GRIP2: variants seen among roughly 807,000 people sequenced by gnomAD.
GRIP2 encodes the protein glutamate receptor interacting protein 2.
In GRIP2, 58 loss-of-function variants were observed where a neutral mutation model predicts 108.3. That is an observed-to-expected ratio of 0.54 (90% CI 0.43 to 0.67). The LOEUF (loss-of-function observed/expected upper bound fraction) is 0.67. GRIP2 is among the 30% of genes least tolerant of loss of function. GRIP2 has a pLI of 0.00. For missense variants in GRIP2, 1,278 were observed against 1,430.6 expected (o/e 0.89, Z 1.72); for synonymous variants, 586 against 598.2 (o/e 0.98, Z 0.30).
Position 14,505,585 on chromosome 3 carries a change from C to CT in GRIP2, c.2573+29dup, listed in dbSNP as rs1416479397. The CT allele has an allele frequency of 6.3e-7, 1 of 1,597,846 alleles. No individual in the cohort carries two copies. The highest frequency in any genetic ancestry group is 1.3e-5 in the African/African-American group (1 of 74,548). Reference sequence around the variant, plus strand: ...ACCCCAGCCAAGACACTGTGACTCCCTCCTCCTTCACGGTGCTCCCACCAC... The same window carrying CT: ...ACCCCAGCCAAGACACTGTGACTCCCTTCCTCCTTCACGGTGCTCCCACCAC... On this transcript the variant is annotated intron_variant, in intron 20 of 23. Transcript: ENST00000621039. This position sits in a 1 kb window ranked among gnomAD's most constrained non-coding sequence, Gnocchi z 4.2.
At position 14,525,497 on chromosome 3, in the gene GRIP2, C is replaced by G. The variant is rs1389909966; in HGVS notation, c.197G>C (p.Gly66Ala). 6.2e-7 allele frequency: 1 copy of G among 1,613,718 alleles called. No individual in the cohort carries two copies. Among genetic ancestry groups the G allele is most frequent in the Non-Finnish European group, 8.5e-7 (1 of 1,179,838 alleles). ...GSTLGLTISGGTDKDGKPRVS... is the reference protein window; with the variant it reads ...GSTLGLTISGATDKDGKPRVS... The stretch of plus-strand genomic sequence containing the variant: ...CCTGGGCTTTCCATCCTTGTCGGTG[C>G]CACCTGAGATAGTCAGGCCCAGCGT... Residue 66 changes from glycine (G) to alanine (A), a missense_variant, in exon 3 of 24, where the codon GGC (glycine) becomes GCC (alanine). Gly to Ala is a moderately conservative substitution (Grantham distance 60). Coordinates refer to ENST00000621039, the MANE Select transcript of GRIP2 (RefSeq NM_001080423.4).
chr3:14,513,404 C>T (rs991864645), intron 13 of GRIP2, among the ~76,000 whole-genome samples: 1 of 152,214 alleles, frequency 6.6e-6, no homozygotes, highest in Non-Finnish European at 1.5e-5. Flanking sequence ...CTAACCCATG[C>T]TGAGAAGGAG....
Position 14,505,536 on chromosome 3 carries a change from A to G in GRIP2, c.2573+79T>C. 1 of 1,474,882 alleles carries G rather than the reference A, an allele frequency of 6.8e-7. No individual in the cohort carries two copies. The highest frequency in any genetic ancestry group is 9.2e-7 in the Non-Finnish European group (1 of 1,085,050). 91.4% of individuals were successfully genotyped at this position (1,474,882 alleles called of 1,614,324 possible). A position where few individuals can be genotyped will look rare whatever the true frequency, so the allele number is the denominator to read the frequency against. On this transcript the variant is annotated intron_variant, in intron 20 of 23. Coordinates refer to ENST00000621039, the MANE Select transcript of GRIP2 (RefSeq NM_001080423.4). This position sits in a 1 kb window ranked among gnomAD's most constrained non-coding sequence, Gnocchi z 4.2. ...CGCCAAGACTCTCCATTCCCCCACC[A>G]CTTTGGCACAGGCACCCTCGCCCAC...
the GRIP2 span, among the ~76,000 whole-genome samples, chr3:14,579,539 C>T: frequency 2.6e-5 from 4 of 152,232 alleles, no homozygotes; most frequent in East Asian, 7.7e-4. Context: ...AGGTGGGAGG[C>T]ATTGTGGTAA....
At chr3:14,575,035 G>A in the GRIP2 span, among the ~76,000 whole-genome samples, 732 of 152,276 alleles carry the variant, frequency 4.8e-3, 1 homozygote, top group Non-Finnish European at 7.6e-3. Flanking sequence ...CAGGAGGGTG[G>A]GTACCTCTAG....
At chr3:14,524,750 C>T (rs1057491259) in intron 3 of GRIP2, among the ~76,000 whole-genome samples, 1 of 152,216 alleles carries the variant, frequency 6.6e-6, no homozygotes, top group Non-Finnish European at 1.5e-5. Context: ...GGCTTTCCCC[C>T]TTCGCTGGTC....
At chr3:14,582,291 G>A in the GRIP2 span, among the ~76,000 whole-genome samples, 4 of 152,170 alleles carry the variant, frequency 2.6e-5, no homozygotes, top group Admixed American at 6.5e-5. Flanking sequence ...TTTACTGGCC[G>A]CTTGGATCAC....
rs775718039 is a variant in GRIP2, at chr3:14,540,270, C to A, written c.39G>T (p.Ala13=). 6.2e-7 allele frequency: 1 copy of A among 1,613,596 alleles called. No individual in the cohort carries two copies. The highest frequency in any genetic ancestry group is 1.1e-5 in the South Asian group (1 of 91,074). Residue 13 remains alanine, a splice_region_variant and synonymous_variant, in exon 1 of 24, where the codon GCG becomes GCT. Coordinates refer to ENST00000621039, the MANE Select transcript of GRIP2 (RefSeq NM_001080423.4). The surrounding 1 kb of genome is among the most constrained non-coding windows in gnomAD (Gnocchi z 4.1). ...GCCCACAGACCCCCCATTACGTACCCGCCTCTCCAGGGGTCTCCCGGCTGA... is the reference window on the plus strand; with the variant it reads ...GCCCACAGACCCCCCATTACGTACCAGCCTCTCCAGGGGTCTCCCGGCTGA... ...CGLSRETPGE[A]DDGPYSKGGK... is the part of the protein sequence containing the mutation.
At position 14,496,418 on chromosome 3, in the gene GRIP2, T is replaced by A. The variant is rs762436315; in HGVS notation, c.2822A>T (p.Lys941Met). Residue 941 changes from lysine (K) to methionine (M), a missense_variant and splice_region_variant, in exon 22 of 24, where the codon AAG (lysine) becomes ATG (methionine). Physicochemically the swap from Lys to Met is moderately conservative, Grantham distance 95. Transcript: ENST00000621039. ...LLLPTPLEMH[K>M]VTLHKDPMRH... ...CCTGTGCTCACCCCCTGTGCCTACCTTGTGCATCTCCAAGGGTGTAGGCAG... is the reference window on the plus strand; with the variant it reads ...CCTGTGCTCACCCCCTGTGCCTACCATGTGCATCTCCAAGGGTGTAGGCAG... The A allele has an allele frequency of 6.2e-6, 10 of 1,609,612 alleles. No homozygotes were observed. Among genetic ancestry groups the A allele is most frequent in the Non-Finnish European group, 8.5e-6 (10 of 1,177,476 alleles).
the GRIP2 span, among the ~76,000 whole-genome samples, chr3:14,567,990 G>A: frequency 6.6e-6 from 1 of 152,208 alleles, no homozygotes; most frequent in Non-Finnish European, 1.5e-5. Context: ...AAAGAACACG[G>A]CCCATGCAAA....
chr3:14,555,693 A>G (rs1314512805), intron 1 of GRIP2, among the ~76,000 whole-genome samples: 1 of 152,074 alleles, frequency 6.6e-6, no homozygotes, highest in African/African-American at 2.4e-5. Flanking sequence ...GATGGAGGAG[A>G]CAGAGAAGGA....
chr3:14,541,756 G>A (rs571462323), upstream of GRIP2: 245 of 628,882 alleles, frequency 3.9e-4, no homozygotes, highest in Non-Finnish European at 3.0e-4. Context: ...GACCAGCAGT[G>A]ATGCCAAGGT....
At chr3:14,555,097 C>G (rs1695214071) in intron 1 of GRIP2, among the ~76,000 whole-genome samples, 1 of 152,140 alleles carries the variant, frequency 6.6e-6, no homozygotes, top group African/African-American at 2.4e-5. Flanking sequence ...CCACTCCAAT[C>G]TTGGTCCCAC....
At chr3:14,518,039 G>A (rs960215025) in intron 9 of GRIP2, 142 bp from the exon 10 acceptor site, 16 of 1,008,760 alleles carry the variant, frequency 1.6e-5, no homozygotes, top group African/African-American at 8.4e-5. Context: ...CACATGTCCC[G>A]GACGCCTACA....
At chr3:14,527,161 A>G (rs1166654108) in intron 1 of GRIP2, among the ~76,000 whole-genome samples, 2 of 152,160 alleles carry the variant, frequency 1.3e-5, no homozygotes, top group Non-Finnish European at 2.9e-5. Context: ...CATTCCAGTG[A>G]CAGAGAGACT....
intron 21 of GRIP2, among the ~76,000 whole-genome samples, chr3:14,498,916 A>T (rs1301183057): frequency 6.6e-6 from 1 of 152,250 alleles, no homozygotes; most frequent in East Asian, 1.9e-4. Context: ...ACAACGAGAC[A>T]TACGCGTTTG....
the GRIP2 span, among the ~76,000 whole-genome samples, chr3:14,593,681 G>A: frequency 0.022 from 3,276 of 152,304 alleles, 115 homozygotes; most frequent in African/African-American, 0.073. Flanking sequence ...CTCATACTCC[G>A]GAGGCTAAAG....
At chr3:14,518,323 C>A (rs1345974350) in intron 9 of GRIP2, among the ~76,000 whole-genome samples, 1 of 152,218 alleles carries the variant, frequency 6.6e-6, no homozygotes, top group Admixed American at 6.5e-5. Context: ...GCAGCCCAGG[C>A]AGCCTCGGCC....
chr3:14,573,757 C>T, the GRIP2 span: 32 of 1,527,660 alleles, frequency 2.1e-5, no homozygotes, highest in African/African-American at 3.3e-4. Flanking sequence ...TCATCATATA[C>T]CCTGGGATCC....
Sources: allele counts gnomAD v4.1 joint callset (sites outside exome capture counted in the v4.1 genomes callset), GRCh38; gene constraint gnomAD v4.1.1; non-coding constraint Gnocchi (gnomAD v3.1); transcripts MANE v1.5; gene names NCBI Gene and HGNC (gene_info 2026-07-23, HGNC 2026-07-21).